Variants in RYR3 observed in about 807,000 individuals in gnomAD.
RYR3 encodes brain ryanodine receptor-calcium release channel.
A neutral mutation model predicts 584.3 loss-of-function variants in RYR3; 207 were observed. The observed-to-expected ratio is 0.35, with a 90% CI of 0.32 to 0.40. The LOEUF is 0.40. Ranked by LOEUF, RYR3 falls within the 10% of genes least tolerant of loss-of-function variation. RYR3 has a pLI of 1.00. For synonymous variants in RYR3, 2,416 were observed against 2,248.5 expected, an observed-to-expected ratio of 1.07 and a Z score of -2.11; for missense variants, 5,616 against 6,089.2, an observed-to-expected ratio of 0.92 and a Z score of 2.59.
intron 99 of RYR3, chr15:33,858,808 G>C (rs927008511): frequency 3.9e-5 from 6 of 152,208 alleles, no homozygotes; most frequent in African/African-American, 1.4e-4. Context: ...AAGAATCTGT[G>C]TCTCAGGGAC....
At chr15:33,552,692 G>A (rs925829995) in intron 10 of RYR3, among the ~76,000 whole-genome samples, 5 of 152,208 alleles carry the variant, frequency 3.3e-5, no homozygotes, top group Admixed American at 2.6e-4. Flanking sequence ...TCTTTGGGAC[G>A]TTGTGTGGGC....
chr15:33,800,758 T>A lies in RYR3; in HGVS notation c.9831-12T>A, dbSNP rs1388310089. Reference sequence around the variant, plus strand: ...GAATTTCAAATGCCTGTTTATTTACTTTTGGACCCAGATCTAACTGGCTGA... The same window carrying A: ...GAATTTCAAATGCCTGTTTATTTACATTTGGACCCAGATCTAACTGGCTGA... On this transcript the variant is annotated splice_polypyrimidine_tract_variant and intron_variant, in intron 67 of 103. Transcript: ENST00000634891. The A allele has an allele frequency of 3.1e-6, 5 of 1,606,462 alleles. No homozygotes were observed. The highest frequency in any genetic ancestry group is 4.3e-6 in the Non-Finnish European group (5 of 1,172,986).
Position 33,775,154 on chromosome 15 carries a change from G to A in RYR3, c.9137+1539G>A, listed in dbSNP as rs138374853. Among the ~76,000 whole-genome samples the A allele has an allele frequency of 4.1e-3, 623 of 152,238 alleles. 5 individuals are homozygous for A. The highest frequency in any genetic ancestry group is 0.015 in the African/African-American group (606 of 41,550). ...AGGTTGATTGTGTATCTGCAGCACC[G>A]TGAAAATAGTGCCTGTGCTTCGTGC... is the stretch of plus-strand genomic sequence containing the variant. On this transcript the variant is annotated intron_variant, in intron 64 of 103. Coordinates refer to ENST00000634891, the MANE Select transcript of RYR3 (RefSeq NM_001036.6).
At chr15:33,471,745 TA>T (rs771993237) in intron 1 of RYR3, among the ~76,000 whole-genome samples, 1 of 152,020 alleles carries the variant, frequency 6.6e-6, no homozygotes, top group Non-Finnish European at 1.5e-5. Context: ...TATTTCTCAA[TA>T]GGGGGTATTC....
chr15:33,768,545 A>G (rs1596502269), intron 60 of RYR3, 113 bp from the exon 61 acceptor site: 1 of 898,094 alleles, frequency 1.1e-6, no homozygotes, highest in East Asian at 2.4e-5. Flanking sequence ...ATCTCCCTAG[A>G]ATGCCACTCT....
chr15:33,343,598 A>T (rs369331678), intron 1 of RYR3, among the ~76,000 whole-genome samples: 1 of 152,140 alleles, frequency 6.6e-6, no homozygotes, highest in Non-Finnish European at 1.5e-5. Context: ...CCTATTTTTT[A>T]CTGTGTCATG....
intron 69 of RYR3, among the ~76,000 whole-genome samples, chr15:33,804,284 A>C (rs1030545985): frequency 1.3e-5 from 2 of 152,218 alleles, no homozygotes; most frequent in African/African-American, 2.4e-5. Context: ...GGATGAGAGG[A>C]CACTCCCTAG....
At chr15:33,647,595 A>AACACATC (rs1194561976) in intron 30 of RYR3, 135 bp downstream of exon 30, 106 of 641,890 alleles carry the variant, frequency 1.7e-4, no homozygotes, top group African/African-American at 7.7e-4. Flanking sequence ...ATCCATCTTG[A>AACACATC]TGCTTCCAGA....
intron 8 of RYR3, among the ~76,000 whole-genome samples, chr15:33,544,360 C>T (rs2141183795): frequency 6.6e-6 from 1 of 152,176 alleles, no homozygotes; most frequent in East Asian, 1.9e-4. Flanking sequence ...AAAAATCAAA[C>T]CTCAGATCCA....
At chr15:33,597,738 C>T (rs1203554438) in intron 16 of RYR3, among the ~76,000 whole-genome samples, 1 of 151,636 alleles carries the variant, frequency 6.6e-6, no homozygotes, top group Admixed American at 6.6e-5. Flanking sequence ...TTTATTTAGT[C>T]TTATTTAGTA....
chr15:33,816,950 G>T lies in RYR3; in HGVS notation c.10591G>T (p.Asp3531Tyr). The change falls in exon 75 of 104, where the codon GAT becomes TAT. Residue 3531 changes from aspartate to tyrosine, a missense_variant. Physicochemically the swap from Asp to Tyr is radical, Grantham distance 160. Coordinates refer to ENST00000634891, the MANE Select transcript of RYR3 (RefSeq NM_001036.6). Reference sequence around the variant, plus strand: ...TTCCTTTGAAGAGAAACTAGTACAGGATTTGGCTGTAAGTACTGACTCCCC... The same window carrying T: ...TTCCTTTGAAGAGAAACTAGTACAGTATTTGGCTGTAAGTACTGACTCCCC... Reference protein sequence around the residue: ...EYSFEEKLVQDLAKSPKVEEE... With the variant: ...EYSFEEKLVQYLAKSPKVEEE... 3 of 1,601,106 alleles carry T rather than the reference G, an allele frequency of 1.9e-6. No homozygotes were observed. In the East Asian group the frequency reaches 6.7e-5, roughly 36 times the overall value.
intron 86 of RYR3, among the ~76,000 whole-genome samples, chr15:33,833,317 T>G (rs1180885211): frequency 1.3e-5 from 2 of 152,192 alleles, no homozygotes; most frequent in Non-Finnish European, 1.5e-5. Flanking sequence ...ACTGGTAATA[T>G]GACTGAGCCA....
chr15:33,844,343 G>A (rs1323109975), intron 92 of RYR3, among the ~76,000 whole-genome samples: 1 of 152,238 alleles, frequency 6.6e-6, no homozygotes, highest in Non-Finnish European at 1.5e-5. Context: ...GAGAAAGCCA[G>A]CAAGCAGTTG....
chr15:33,359,108 T>C (rs1430665839), intron 1 of RYR3, among the ~76,000 whole-genome samples: 1 of 152,202 alleles, frequency 6.6e-6, no homozygotes, highest in African/African-American at 2.4e-5. Context: ...CCCTGTCATC[T>C]CTTGCTCCAA....
chr15:33,488,384 G>T (rs1300964787), intron 2 of RYR3, among the ~76,000 whole-genome samples: 2 of 150,332 alleles, frequency 1.3e-5, no homozygotes, highest in Non-Finnish European at 2.9e-5. Context: ...TTTTGGTCTC[G>T]ATTAGCAGTA....
intron 1 of RYR3, among the ~76,000 whole-genome samples, chr15:33,312,827 C>G (rs1967538652): frequency 6.6e-6 from 1 of 152,212 alleles, no homozygotes; most frequent in Admixed American, 6.5e-5. Context: ...GCCATCTTCC[C>G]TGACTTTTCC....
Position 33,502,504 on chromosome 15 carries a change from A to C in RYR3, c.172-1127A>C, listed in dbSNP as rs8032340. 3.4e-3 allele frequency among the ~76,000 whole-genome samples: 523 copies of C among 152,318 alleles called. 5 individuals are homozygous for C. Among genetic ancestry groups the C allele is most frequent in the African/African-American group, 0.012 (511 of 41,566 alleles). On this transcript the variant is annotated intron_variant, in intron 2 of 103. Coordinates refer to ENST00000634891, the MANE Select transcript of RYR3 (RefSeq NM_001036.6). ...TTCTGCCAATATCATGTAGGAAACA[A>C]AGGATTGGTACACAGGTGATCACAA...
chr15:33,534,857 A>G (rs1329199978), intron 5 of RYR3, among the ~76,000 whole-genome samples: 1 of 152,202 alleles, frequency 6.6e-6, no homozygotes, highest in African/African-American at 2.4e-5. Flanking sequence ...CAATCTGACC[A>G]TCCGTCAAGG....
intron 1 of RYR3, among the ~76,000 whole-genome samples, chr15:33,383,366 C>T (rs111681003): frequency 0.04 from 5,957 of 149,810 alleles, 160 homozygotes; most frequent in Non-Finnish European, 0.061. Flanking sequence ...TTTTGAGATA[C>T]GCCACACTTC....
Sources: gnomAD v4.1 joint callset for allele counts (sites outside exome capture counted in the v4.1 genomes callset) on GRCh38, gnomAD v4.1.1 for gene constraint, MANE v1.5 for transcripts, NCBI Gene and HGNC (gene_info 2026-07-23, HGNC 2026-07-21) for gene names.